PTCHD1: variants seen among roughly 807,000 people sequenced by gnomAD.
PTCHD1 encodes patched domain-containing protein 1.
In PTCHD1, 3 loss-of-function variants were observed where a neutral mutation model predicts 34.6. That is an observed-to-expected ratio of 0.09 (90% CI 0.04 to 0.22). PTCHD1 has a LOEUF of 0.22. Among genes scored for constraint, PTCHD1 ranks in the 10% least tolerant of loss-of-function variants. The probability of loss-of-function intolerance (pLI) is 1.00; values close to 1 mark genes in which losing one functional copy is unlikely to be tolerated. For synonymous variants in PTCHD1, 305 were observed against 283.1 expected, an observed-to-expected ratio of 1.08 and a Z score of -0.77; for missense variants, 504 against 685.5, an observed-to-expected ratio of 0.74 and a Z score of 2.96.
chrX:23,341,521 G>GAGAT (rs1011814836), intron 1 of PTCHD1, among the ~76,000 whole-genome samples: 6 of 111,824 alleles, frequency 5.4e-5, no homozygotes, highest in African/African-American at 1.3e-4. Flanking sequence ...AGTGATACTT[G>GAGAT]AGATAGGCTT....
rs1921320554 is a variant in PTCHD1, at chrX:23,341,920, C to CT, written c.351+6697dup. Among the ~76,000 whole-genome samples the CT allele has an allele frequency of 4.5e-5, 5 of 111,525 alleles. No homozygotes were observed. The South Asian group carries it at 1.9e-3, about 43-fold the overall frequency. On this transcript the variant is annotated intron_variant, in intron 1 of 2. Transcript: ENST00000379361. ...AAGATCCCCATTGTTAGGTCTTCCA[C>CT]TTTAGGTTTAATTCATAGGCTTCAA...
chrX:23,334,509 G>C (rs1921091282), upstream of PTCHD1: 1 of 109,044 alleles, frequency 9.2e-6, no homozygotes, highest in African/African-American at 3.3e-5. Context: ...GGCCCCGCCC[G>C]CGCTGAGAGG....
chrX:23,399,432 T>C lies in PTCHD1; in HGVS notation c.*5247T>C, dbSNP rs1923067963. ...TGTGTATATGTTCAACATGTGCATT[T>C]TCCTAAACTGAGGGCTCAGATTCCA... On this transcript the variant is annotated 3_prime_UTR_variant, in exon 3 of 3. Coordinates refer to ENST00000379361, the MANE Select transcript of PTCHD1 (RefSeq NM_173495.3). The C allele has an allele frequency of 9.0e-6, 1 of 111,217 alleles. No homozygotes were observed. The highest frequency in any genetic ancestry group is 1.9e-5 in the Non-Finnish European group (1 of 53,062). The allele number at this position is 111,217 out of a possible 1,213,427, so 9.2% of individuals were successfully genotyped here.
At chrX:23,376,713 C>T (rs769513347) in intron 1 of PTCHD1, among the ~76,000 whole-genome samples, 1 of 112,044 alleles carries the variant, frequency 8.9e-6, no homozygotes, top group South Asian at 3.8e-4. Flanking sequence ...CCTCTCACCT[C>T]TTATTCCACA....
chrX:23,358,937 T>C (rs1921892142), intron 1 of PTCHD1, among the ~76,000 whole-genome samples: 1 of 112,353 alleles, frequency 8.9e-6, no homozygotes, highest in Non-Finnish European at 1.9e-5. Context: ...TTGTCCGGCT[T>C]GTCAAAGATC....
intron 1 of PTCHD1, among the ~76,000 whole-genome samples, chrX:23,377,797 G>A (rs952805509): frequency 9.0e-6 from 1 of 111,340 alleles, no homozygotes; most frequent in Admixed American, 9.6e-5. Context: ...GTGCCCCTCA[G>A]ACATTGTTTT....
At chrX:23,340,824 C>G (rs918954343) in intron 1 of PTCHD1, among the ~76,000 whole-genome samples, 2 of 112,074 alleles carry the variant, frequency 1.8e-5, no homozygotes, top group African/African-American at 3.2e-5. Flanking sequence ...ATCCAAGTGG[C>G]AGATACTCTT....
At chrX:23,335,341 A>C in intron 1 of PTCHD1, 115 bp downstream of exon 1, 1 of 629,047 alleles carries the variant, frequency 1.6e-6, no homozygotes, top group Non-Finnish European at 2.5e-6. Context: ...CAGCTGCCGC[A>C]GGGACTCTCC....
At chrX:23,347,386 GAC>G (rs1313407496) in intron 1 of PTCHD1, among the ~76,000 whole-genome samples, 1 of 112,170 alleles carries the variant, frequency 8.9e-6, no homozygotes, top group Admixed American at 9.4e-5. Flanking sequence ...AGAGCAAAAA[GAC>G]ACAGACCCTC....
At chrX:23,375,159 C>T (rs1922376838) in intron 1 of PTCHD1, among the ~76,000 whole-genome samples, 1 of 112,156 alleles carries the variant, frequency 8.9e-6, no homozygotes, top group South Asian at 3.7e-4. Flanking sequence ...TTGCTGCTGT[C>T]TGAACATGAG....
Position 23,358,103 on chromosome X carries a change from G to A in PTCHD1, c.352-21488G>A, listed in dbSNP as rs765711613. On this transcript the variant is annotated intron_variant, in intron 1 of 2. Transcript: ENST00000379361. The stretch of plus-strand genomic sequence containing the variant: ...TTCCAAGTCTTTGCTGTTGTGAATA[G>A]TGCCGCAATAAACATACGGGTGCAT... Among the ~76,000 whole-genome samples the A allele has an allele frequency of 7.2e-5, 8 of 111,823 alleles. No individual in the cohort carries two copies. The South Asian group carries it at 2.6e-3, about 37-fold the overall frequency.
chrX:23,342,287 TATATATATATATATATATATA>T (rs1569132012), intron 1 of PTCHD1, among the ~76,000 whole-genome samples: 2 of 6,782 alleles, frequency 2.9e-4, no homozygotes, highest in Non-Finnish European at 2.1e-4. Flanking sequence ...TATATATATA[TATATATATATATATATATATA>T]TATTTTTTTT....
chrX:23,365,353 G>T (rs1265875466), intron 1 of PTCHD1, among the ~76,000 whole-genome samples: 1 of 111,395 alleles, frequency 9.0e-6, no homozygotes, highest in Non-Finnish European at 1.9e-5. Context: ...GTGTTTTGAG[G>T]ACACTAGGAA....
chrX:23,376,882 A>C (rs1238443615), intron 1 of PTCHD1, among the ~76,000 whole-genome samples: 1 of 112,257 alleles, frequency 8.9e-6, no homozygotes, highest in Non-Finnish European at 1.9e-5. Flanking sequence ...ATCTTACAGC[A>C]GCTCTGGAAG....
rs1463193460 is a variant in PTCHD1, at chrX:23,335,040, G to A, written c.165G>A (p.Leu55=). 43 of 1,209,437 alleles carry A rather than the reference G, an allele frequency of 3.6e-5. No homozygotes were observed. Among genetic ancestry groups the A allele is most frequent in the Non-Finnish European group, 4.4e-5 (39 of 894,865 alleles). ...AGGTCGAGGAGAGCGTGGAGCACCT[G>A]CTGGCGCCCCAGCACAGCCTGGCCA... The part of the protein sequence containing the change: ...RYQVEESVEH[L]LAPQHSLAKI... Residue 55 remains leucine, a synonymous_variant, in exon 1 of 3, where the codon CTG becomes CTA. Transcript: ENST00000379361.
In PTCHD1 at chrX:23,395,800, T is replaced by TC. The variant is rs1227993923; in HGVS notation, c.*1618dup. ...TTAGACATCTGTAGTGGTAAGCATT[T>TC]CCCAAAAGCATCTTACCTTTCTGAA... On this transcript the variant is annotated 3_prime_UTR_variant, in exon 3 of 3. Transcript: ENST00000379361. 4 of 112,045 alleles carry TC rather than the reference T, an allele frequency of 3.6e-5. No homozygotes were observed. The highest frequency in any genetic ancestry group is 1.3e-4 in the African/African-American group (4 of 30,736). 9.2% of individuals were successfully genotyped at this position (112,045 alleles called of 1,213,427 possible). A position where few individuals can be genotyped will look rare whatever the true frequency, so the allele number is the denominator to read the frequency against.
In PTCHD1 at chrX:23,403,635, G is replaced by C. The variant is rs1775409276; in HGVS notation, c.*9450G>C. The C allele has an allele frequency of 3.6e-5, 4 of 111,052 alleles. No homozygotes were observed. The highest frequency in any genetic ancestry group is 1.3e-4 in the African/African-American group (4 of 30,510). 9.2% of individuals were successfully genotyped at this position (111,052 alleles called of 1,213,427 possible). ...GGTACCCTCTACATCATCATAGCAA[G>C]GCCCTTCTGAACATTAACAAGCCTA... is the stretch of plus-strand genomic sequence containing the variant. On this transcript the variant is annotated 3_prime_UTR_variant, in exon 3 of 3. Transcript: ENST00000379361.
rs1483959244 is a variant in PTCHD1 at position 23,401,486 on chromosome X, T to A, written c.*7301T>A. ...GACTGGGCAAACTGGTAATGACCCG[T>A]TGGCTCTGCTTCACACACACACATA... is the stretch of plus-strand genomic sequence containing the variant. On this transcript the variant is annotated 3_prime_UTR_variant, in exon 3 of 3. Transcript: ENST00000379361. 1 of 112,561 alleles carries A rather than the reference T, an allele frequency of 8.9e-6. No homozygotes were observed. The highest frequency in any genetic ancestry group is 1.9e-5 in the Non-Finnish European group (1 of 53,320). The allele number at this position is 112,561 out of a possible 1,213,427, so 9.3% of individuals were successfully genotyped here. A position where few individuals can be genotyped will look rare whatever the true frequency, so the allele number is the denominator to read the frequency against.
rs1167608520 is a variant in PTCHD1 at position 23,403,674 on chromosome X, C to G, written c.*9489C>G. 3.6e-5 allele frequency: 4 copies of G among 111,373 alleles called. No individual in the cohort carries two copies. In the Admixed American group the frequency reaches 3.8e-4, roughly 11 times the overall value. The allele number at this position is 111,373 out of a possible 1,213,427, so 9.2% of individuals were successfully genotyped here. On this transcript the variant is annotated 3_prime_UTR_variant, in exon 3 of 3. Transcript: ENST00000379361. ...TTAACAAGCCTAGATGTTTCTACTGCTTATTTGCAGTATCTACAGGGGAAT... is the reference window on the plus strand; with the variant it reads ...TTAACAAGCCTAGATGTTTCTACTGGTTATTTGCAGTATCTACAGGGGAAT...
Sources: gnomAD v4.1 joint callset for allele counts (sites outside exome capture counted in the v4.1 genomes callset) on GRCh38, gnomAD v4.1.1 for gene constraint, MANE v1.5 for transcripts, NCBI Gene and HGNC (gene_info 2026-07-23, HGNC 2026-07-21) for gene names.